Variants in HDAC9 observed in about 807,000 individuals in gnomAD.
HDAC9 encodes MEF-2 interacting transcription repressor (MITR) protein.
In HDAC9, 41 loss-of-function variants were observed where a neutral mutation model predicts 139.4. The observed-to-expected ratio is 0.29, with a 90% CI of 0.23 to 0.38. The LOEUF (loss-of-function observed/expected upper bound fraction) is 0.38. Among genes scored for constraint, HDAC9 ranks in the 10% least tolerant of loss-of-function variants. The pLI is 1.00. For synonymous variants in HDAC9, 517 were observed against 476.2 expected, an observed-to-expected ratio of 1.09 and a Z score of -1.12; for missense variants, 1,147 against 1,297.0, an observed-to-expected ratio of 0.88 and a Z score of 1.78.
intron 2 of HDAC9, chr7:18,517,884 A>G (rs917052115): frequency 1.4e-4 from 21 of 152,190 alleles, no homozygotes; most frequent in African/African-American, 4.8e-4. Context: ...CTGAAGTAGT[A>G]ATTGGAATGA....
At chr7:18,501,993 C>CA (rs1798515222) in intron 2 of HDAC9, among the ~76,000 whole-genome samples, 3 of 152,154 alleles carry the variant, frequency 2.0e-5, no homozygotes, top group Admixed American at 6.5e-5. Context: ...ATGGCAGCAG[C>CA]ATTCAGGTCC....
At chr7:18,670,862 ACT>A (rs1485373796) in intron 12 of HDAC9, among the ~76,000 whole-genome samples, 1 of 144,924 alleles carries the variant, frequency 6.9e-6, no homozygotes, top group Non-Finnish European at 1.5e-5. Flanking sequence ...AGTGATTAGT[ACT>A]CTTTTTTTTT....
chr7:18,902,821 A>G (rs1322477854), intron 22 of HDAC9, among the ~76,000 whole-genome samples: 1 of 152,230 alleles, frequency 6.6e-6, no homozygotes, highest in Non-Finnish European at 1.5e-5. Flanking sequence ...CACTATTTAT[A>G]AGTGAAATAT....
intron 25 of HDAC9, among the ~76,000 whole-genome samples, chr7:18,979,024 G>A (rs753822742): frequency 9.2e-5 from 14 of 152,066 alleles, no homozygotes; most frequent in South Asian, 2.1e-4. Context: ...CCTGTAAATC[G>A]TGTTACATTT....
intron 14 of HDAC9, 145 bp downstream of exon 14, chr7:18,749,283 G>A: frequency 3.3e-6 from 3 of 898,538 alleles, no homozygotes; most frequent in East Asian, 2.7e-5. Flanking sequence ...AGGTAGCACA[G>A]AGCTTACCAC....
chr7:18,892,080 G>A (rs557373035), intron 22 of HDAC9: 4 of 152,254 alleles, frequency 2.6e-5, no homozygotes, highest in Non-Finnish European at 4.4e-5. Flanking sequence ...GAATGAAAAA[G>A]AATGAGGGGA....
intron 2 of HDAC9, among the ~76,000 whole-genome samples, chr7:18,207,331 A>G (rs1285430308): frequency 6.6e-6 from 1 of 152,086 alleles, no homozygotes; most frequent in East Asian, 1.9e-4. Context: ...AGTATAAATA[A>G]GAAGAAAGTC....
At chr7:18,253,460 T>C (rs565995487) in intron 2 of HDAC9, among the ~76,000 whole-genome samples, 6 of 152,224 alleles carry the variant, frequency 3.9e-5, no homozygotes, top group Non-Finnish European at 8.8e-5. Context: ...TGGTATGAGA[T>C]GGTATCTCAT....
intron 22 of HDAC9, 124 bp from the exon 23 acceptor site, chr7:18,935,685 G>T: frequency 3.8e-6 from 3 of 795,456 alleles, no homozygotes; most frequent in Non-Finnish European, 2.1e-6. Context: ...TTTAAGTATT[G>T]GATGAGTTAG....
chr7:18,815,267 T>A (rs1471276286), intron 17 of HDAC9, among the ~76,000 whole-genome samples: 1 of 142,770 alleles, frequency 7.0e-6, no homozygotes, highest in Non-Finnish European at 1.6e-5. Flanking sequence ...AATATCTGAT[T>A]TTTTTTTGAT....
intron 16 of HDAC9, among the ~76,000 whole-genome samples, chr7:18,770,827 G>A (rs138849924): frequency 7.2e-5 from 11 of 152,250 alleles, no homozygotes; most frequent in African/African-American, 2.4e-4. Context: ...ATGAGGAATG[G>A]GCTCTCAAGC....
At chr7:18,893,647 A>G (rs1026555945) in intron 22 of HDAC9, among the ~76,000 whole-genome samples, 1 of 152,186 alleles carries the variant, frequency 6.6e-6, no homozygotes, top group African/African-American at 2.4e-5. Context: ...ATCGTCACTG[A>G]AAGTTCTTTT....
chr7:18,953,254 T>A (rs554653158), intron 23 of HDAC9, among the ~76,000 whole-genome samples: 2 of 152,100 alleles, frequency 1.3e-5, no homozygotes, highest in Non-Finnish European at 2.9e-5. Context: ...TTTTTGTTAA[T>A]CCTTTTGTTA....
chr7:18,829,854 T>C (rs1401039551), intron 19 of HDAC9, among the ~76,000 whole-genome samples: 2 of 152,256 alleles, frequency 1.3e-5, no homozygotes, highest in Non-Finnish European at 2.9e-5. Flanking sequence ...GAATTTACTT[T>C]TCCCTACAGA....
chr7:18,236,868 G>C (rs1793855954), intron 2 of HDAC9, among the ~76,000 whole-genome samples: 1 of 152,150 alleles, frequency 6.6e-6, no homozygotes, highest in South Asian at 2.1e-4. Flanking sequence ...TGACTTCCCT[G>C]ACCTGATTGT....
At chr7:18,662,772 G>A (rs910846451) in intron 11 of HDAC9, among the ~76,000 whole-genome samples, 3 of 152,014 alleles carry the variant, frequency 2.0e-5, no homozygotes, top group Non-Finnish European at 4.4e-5. Flanking sequence ...AGTACGAGAC[G>A]GTGAAAGTAA....
At chr7:18,321,284 T>A (rs952017167) in intron 1 of HDAC9, among the ~76,000 whole-genome samples, 1 of 152,224 alleles carries the variant, frequency 6.6e-6, no homozygotes, top group African/African-American at 2.4e-5. Flanking sequence ...CTTCAGAACC[T>A]TCATACTCTT....
chr7:18,129,935 T>C (rs980063165), intron 1 of HDAC9, among the ~76,000 whole-genome samples: 4 of 152,146 alleles, frequency 2.6e-5, no homozygotes, highest in African/African-American at 9.7e-5. Flanking sequence ...TATATTTAAA[T>C]TCTTTGAGGA....
intron 11 of HDAC9, among the ~76,000 whole-genome samples, chr7:18,653,153 G>A (rs1162481887): frequency 1.3e-5 from 2 of 150,062 alleles, no homozygotes; most frequent in Admixed American, 6.7e-5. Flanking sequence ...CAGGAGAATC[G>A]CTTGAACCCA....
Sources: allele counts gnomAD v4.1 joint callset (sites outside exome capture counted in the v4.1 genomes callset), GRCh38; gene constraint gnomAD v4.1.1; transcripts MANE v1.5; gene names NCBI Gene and HGNC (gene_info 2026-07-23, HGNC 2026-07-21).